The following FKBP15 variants were observed in gnomAD, a reference collection of about 807,000 sequenced individuals.
The protein encoded by FKBP15 is FK506-binding protein 15.
A neutral mutation model predicts 158.1 loss-of-function variants in FKBP15; 106 were observed. The observed-to-expected ratio is 0.67, with a 90% confidence interval of 0.57 to 0.79. The LOEUF is 0.79. Ranked by LOEUF, FKBP15 falls within the 30% of genes least tolerant of loss-of-function variation. FKBP15 has a pLI of 0.00. For missense variants in FKBP15, 1,287 were observed against 1,479.1 expected, an observed-to-expected ratio of 0.87 and a Z score of 2.13; for synonymous variants, 547 against 548.6, an observed-to-expected ratio of 1.00 and a Z score of 0.04.
chr9:113,171,798 C>CA, intron 23 of FKBP15, 92 bp from the exon 24 acceptor site: 1 of 834,332 alleles, frequency 1.2e-6, no homozygotes, highest in Non-Finnish European at 1.6e-6. Context: ...CATCAAGTCT[C>CA]TTTTTTTTTT....
At chr9:113,170,102 T>C (rs989550065) in intron 25 of FKBP15, among the ~76,000 whole-genome samples, 160 bp from the exon 26 acceptor site, 8 of 152,098 alleles carry the variant, frequency 5.3e-5, no homozygotes, top group African/African-American at 1.2e-4. Flanking sequence ...TCCTAATTAC[T>C]GAGGAACAGT....
chr9:113,161,835 TACAC>T lies in FKBP15; in HGVS notation c.*4239_*4242del. On this transcript the variant is annotated 3_prime_UTR_variant, in exon 28 of 28. Coordinates refer to ENST00000238256, the MANE Select transcript of FKBP15 (RefSeq NM_015258.2). ...AAGGACCAGGACTTGCCAAAGTGGC[TACAC>T]ATAGCCAAGTGAACTAGAGCTCATG... 1 of 918,778 alleles carries T rather than the reference TACAC, an allele frequency of 1.1e-6. No individual in the cohort carries two copies. Among genetic ancestry groups the T allele is most frequent in the Non-Finnish European group, 1.7e-6 (1 of 578,640 alleles). 56.9% of individuals were successfully genotyped at this position (918,778 alleles called of 1,614,324 possible).
intron 1 of FKBP15, among the ~76,000 whole-genome samples, chr9:113,217,503 C>A (rs116708282): frequency 0.058 from 8,830 of 152,166 alleles, 299 homozygotes; most frequent in African/African-American, 0.078. Flanking sequence ...AACCACCACG[C>A]ACAGTCCCAT....
intron 8 of FKBP15, among the ~76,000 whole-genome samples, chr9:113,197,876 G>A (rs1026231353): frequency 6.6e-6 from 1 of 152,152 alleles, no homozygotes; most frequent in African/African-American, 2.4e-5. Flanking sequence ...ATCTGTCTAG[G>A]TTCAGTGATC....
At chr9:113,204,677 T>C (rs1456597344) in intron 4 of FKBP15, among the ~76,000 whole-genome samples, 1 of 152,226 alleles carries the variant, frequency 6.6e-6, no homozygotes, top group African/African-American at 2.4e-5. Context: ...CTCTCTGTGC[T>C]TCAGTCTGAA....
chr9:113,174,830 A>G lies in FKBP15; in HGVS notation c.2224-247T>C. Reference sequence around the variant, plus strand: ...AAGAGCTAGGGAAATTGGGAGGCCGAGGCGGGCGGATCACGAGGTCAGGAG... The same window carrying G: ...AAGAGCTAGGGAAATTGGGAGGCCGGGGCGGGCGGATCACGAGGTCAGGAG... On this transcript the variant is annotated intron_variant, in intron 21 of 27. Transcript: ENST00000238256. Among the ~76,000 whole-genome samples, 2 of 28,498 alleles carry G rather than the reference A, an allele frequency of 7.0e-5. 1 individual carries two copies. The highest frequency in any genetic ancestry group is 1.6e-4 in the Non-Finnish European group (2 of 12,440). The allele number at this position is 28,498 out of a possible 152,430, so 18.7% of individuals were successfully genotyped here.
rs189872800 is a variant in FKBP15, at chr9:113,169,730, C to T, written c.2979G>A (p.Pro993=). The change falls in exon 26 of 28, where the codon CCG becomes CCA. Residue 993 remains proline, a synonymous_variant. Coordinates refer to ENST00000238256, the MANE Select transcript of FKBP15 (RefSeq NM_015258.2). The part of the protein sequence containing the change: ...PSEQVVEEAV[P]LPPQALTTSQ... ...AAGTGGTGAGGGCCTGAGGAGGCAACGGGACAGCTTCCTCGACCACCTGCT... is the reference window on the plus strand; with the variant it reads ...AAGTGGTGAGGGCCTGAGGAGGCAATGGGACAGCTTCCTCGACCACCTGCT... The T allele has an allele frequency of 2.4e-5, 39 of 1,613,274 alleles. No homozygotes were observed. In the Admixed American group the frequency reaches 3.0e-4, roughly 12 times the overall value.
intron 1 of FKBP15, among the ~76,000 whole-genome samples, chr9:113,219,287 A>T (rs1462507699): frequency 1.3e-5 from 2 of 152,232 alleles, no homozygotes; most frequent in Admixed American, 6.5e-5. Context: ...CAAGCAAATC[A>T]TGTGTTTAAA....
rs1432087856 is a variant in FKBP15 at position 113,163,602 on chromosome 9, AGAG to A, written c.*2473_*2475del. ...TGAGACCTATTTCCCTTTCTTGGGG[AGAG>A]AATAAGTGACAGCTGATTAAAGGCA... is the stretch of plus-strand genomic sequence containing the variant. On this transcript the variant is annotated 3_prime_UTR_variant, in exon 28 of 28. Coordinates refer to ENST00000238256, the MANE Select transcript of FKBP15 (RefSeq NM_015258.2). The A allele has an allele frequency of 1.3e-5, 2 of 152,432 alleles. No individual in the cohort carries two copies. The highest frequency in any genetic ancestry group is 4.8e-5 in the African/African-American group (2 of 41,406). 9.4% of individuals were successfully genotyped at this position (152,432 alleles called of 1,614,324 possible).
chr9:113,199,590 T>C (rs1405328920), intron 7 of FKBP15, among the ~76,000 whole-genome samples: 1 of 152,156 alleles, frequency 6.6e-6, no homozygotes, highest in East Asian at 1.9e-4. Context: ...ACTGGGGAAA[T>C]TGGTTCCCAC....
At chr9:113,218,587 A>T (rs1314274297) in intron 1 of FKBP15, among the ~76,000 whole-genome samples, 4 of 152,096 alleles carry the variant, frequency 2.6e-5, no homozygotes, top group African/African-American at 9.7e-5. Context: ...ATGTGGTTCA[A>T]CTCAGATACC....
chr9:113,201,174 T>C (rs74811003), intron 6 of FKBP15, among the ~76,000 whole-genome samples: 2,647 of 151,518 alleles, frequency 0.017, 91 homozygotes, highest in African/African-American at 0.061. Context: ...AAAGGTACGA[T>C]GAGAAAATTG....
At chr9:113,200,820 C>T (rs951014414) in intron 6 of FKBP15, among the ~76,000 whole-genome samples, 2 of 151,828 alleles carry the variant, frequency 1.3e-5, no homozygotes, top group Admixed American at 6.6e-5. Context: ...CCGAGGTGGG[C>T]GGATCACAAG....
At chr9:113,211,399 T>C (rs1199599876) in intron 2 of FKBP15, 78 bp downstream of exon 2, 1 of 1,099,960 alleles carries the variant, frequency 9.1e-7, no homozygotes. Context: ...CCTCAGGTGA[T>C]CCACCGGCCT....
chr9:113,175,230 G>A (rs977345878), intron 21 of FKBP15, among the ~76,000 whole-genome samples: 1 of 152,076 alleles, frequency 6.6e-6, no homozygotes, highest in African/African-American at 2.4e-5. Context: ...AAAAACATAC[G>A]TATCCAGAAA....
intron 6 of FKBP15, 142 bp downstream of exon 6, chr9:113,202,389 C>A: frequency 1.9e-6 from 1 of 517,684 alleles, no homozygotes. Context: ...TACAATAGGC[C>A]GAAGTGGCAA....
chr9:113,175,447 T>C (rs1041699055), intron 21 of FKBP15, among the ~76,000 whole-genome samples: 1 of 152,146 alleles, frequency 6.6e-6, no homozygotes, highest in African/African-American at 2.4e-5. Flanking sequence ...TAAAAGGCAC[T>C]GGGCCAAAAC....
rs1056337879 is a variant in FKBP15 at position 113,164,227 on chromosome 9, G to T, written c.*1851C>A. ...GGGCTGAGTGGGGCTAATAGAACTGGTAGTACTCTTTATAAGCCTGTCTGA... is the reference window on the plus strand; with the variant it reads ...GGGCTGAGTGGGGCTAATAGAACTGTTAGTACTCTTTATAAGCCTGTCTGA... On this transcript the variant is annotated 3_prime_UTR_variant, in exon 28 of 28. Transcript: ENST00000238256. 10 of 152,228 alleles carry T rather than the reference G, an allele frequency of 6.6e-5. No individual in the cohort carries two copies. The highest frequency in any genetic ancestry group is 1.7e-4 in the African/African-American group (7 of 41,452). 9.4% of individuals were successfully genotyped at this position (152,228 alleles called of 1,614,324 possible). A position where few individuals can be genotyped will look rare whatever the true frequency, so the allele number is the denominator to read the frequency against.
chr9:113,210,236 T>G (rs1830973531), intron 2 of FKBP15, among the ~76,000 whole-genome samples: 1 of 151,794 alleles, frequency 6.6e-6, no homozygotes, highest in African/African-American at 2.4e-5. Flanking sequence ...TTAGCCAGAC[T>G]GGTCAAGGAT....
Sources: gnomAD v4.1 joint callset for allele counts (sites outside exome capture counted in the v4.1 genomes callset) on GRCh38, gnomAD v4.1.1 for gene constraint, MANE v1.5 for transcripts, NCBI Gene and HGNC (gene_info 2026-07-23, HGNC 2026-07-21) for gene names.